PHC2: variants seen among roughly 807,000 people sequenced by gnomAD.
PHC2 encodes polyhomeotic homolog 2, also known as polyhomeotic-like protein 2.
In PHC2, 29 loss-of-function variants were observed where a neutral mutation model predicts 87.4. The observed-to-expected ratio is 0.33, with a 90% CI of 0.25 to 0.45. The LOEUF (loss-of-function observed/expected upper bound fraction) is 0.45. PHC2 is among the 20% of genes least tolerant of loss of function. PHC2 has a pLI of 1.00. For synonymous variants in PHC2, 438 were observed against 461.7 expected (o/e 0.95, Z 0.66); for missense variants, 857 against 1,136.7 (o/e 0.75, Z 3.54).
At chr1:33,347,828 T>G (rs1646873593) in intron 9 of PHC2, 1 of 724,320 alleles carries the variant, frequency 1.4e-6, no homozygotes, top group Admixed American at 6.3e-5. Context: ...TGCCCGACCT[T>G]CTGCGAAACA....
intron 1 of PHC2, among the ~76,000 whole-genome samples, chr1:33,426,246 G>A (rs193229950): frequency 6.6e-6 from 1 of 152,122 alleles, no homozygotes; most frequent in Non-Finnish European, 1.5e-5. Context: ...AAGGAACAGA[G>A]TAAGCAACAA....
intron 4 of PHC2, 72 bp downstream of exon 4, chr1:33,370,945 A>T: frequency 8.0e-7 from 1 of 1,242,582 alleles, no homozygotes; most frequent in Non-Finnish European, 1.2e-6. Context: ...ATTCACCACA[A>T]CTGGGTCTGG....
intron 1 of PHC2, among the ~76,000 whole-genome samples, chr1:33,395,088 T>C (rs996630248): frequency 1.3e-5 from 2 of 152,300 alleles, no homozygotes; most frequent in African/African-American, 4.8e-5. Context: ...CTGTGGTATA[T>C]CCACACAATG....
At chr1:33,370,926 T>C in intron 4 of PHC2, 91 bp downstream of exon 4, 1 of 1,024,134 alleles carries the variant, frequency 9.8e-7, no homozygotes, top group Non-Finnish European at 1.5e-6. Flanking sequence ...TGATGCTACA[T>C]GGCCACGGAT....
intron 1 of PHC2, among the ~76,000 whole-genome samples, chr1:33,400,837 A>T (rs1259263699): frequency 6.6e-6 from 1 of 152,224 alleles, no homozygotes; most frequent in African/African-American, 2.4e-5. Flanking sequence ...TTAACTGAAA[A>T]GATCCATGTT....
intron 1 of PHC2, among the ~76,000 whole-genome samples, chr1:33,416,954 T>C (rs1650236882): frequency 6.6e-6 from 1 of 152,058 alleles, no homozygotes; most frequent in African/African-American, 2.4e-5. Flanking sequence ...TAATAAAACA[T>C]GTTAAATAAA....
chr1:33,414,177 T>TCTCACACACA (rs372228145), intron 1 of PHC2, among the ~76,000 whole-genome samples: 49 of 142,854 alleles, frequency 3.4e-4, no homozygotes, highest in East Asian at 2.9e-3. Context: ...TCTCTCTCTG[T>TCTCACACACA]CACACACACA....
At chr1:33,381,429 G>A (rs76548363) in intron 1 of PHC2, among the ~76,000 whole-genome samples, 1 of 151,938 alleles carries the variant, frequency 6.6e-6, no homozygotes, top group Non-Finnish European at 1.5e-5. Flanking sequence ...TTTCACTTCA[G>A]TACCTTCCAT....
intron 14 of PHC2, among the ~76,000 whole-genome samples, chr1:33,328,663 TAC>T (rs1336642103): frequency 5.3e-5 from 8 of 152,214 alleles, no homozygotes; most frequent in Non-Finnish European, 1.2e-4. Flanking sequence ...TATACAGAAT[TAC>T]AGCTATGGAA....
In PHC2 at chr1:33,331,107, C is replaced by A. The variant is rs1368855898; in HGVS notation, c.2006+241G>T. 6.6e-6 allele frequency among the ~76,000 whole-genome samples: 1 copy of A among 152,156 alleles called. No individual in the cohort carries two copies. The highest frequency in any genetic ancestry group is 1.5e-5 in the Non-Finnish European group (1 of 68,034). On this transcript the variant is annotated intron_variant, in intron 12 of 14. Coordinates refer to ENST00000683057, the MANE Select transcript of PHC2 (RefSeq NM_001385109.1). This position sits in a 1 kb window ranked among gnomAD's most constrained non-coding sequence, Gnocchi z 5.2. ...TGGGTGCCAGTGGAGCCCAGGAGGGCCAGCCGAGCCAAAGCACTGCGGCTT... is the reference window on the plus strand; with the variant it reads ...TGGGTGCCAGTGGAGCCCAGGAGGGACAGCCGAGCCAAAGCACTGCGGCTT...
chr1:33,388,251 T>G (rs1648858984), intron 1 of PHC2, among the ~76,000 whole-genome samples: 1 of 151,902 alleles, frequency 6.6e-6, no homozygotes, highest in Non-Finnish European at 1.5e-5. Context: ...CTAGAAGACC[T>G]GAGACAGGTT....
chr1:33,344,208 T>C (rs1646802551), intron 9 of PHC2, among the ~76,000 whole-genome samples: 1 of 152,242 alleles, frequency 6.6e-6, no homozygotes, highest in South Asian at 2.1e-4. Context: ...TCATGGAAGA[T>C]GGATTTCTAC....
intron 1 of PHC2, among the ~76,000 whole-genome samples, chr1:33,383,969 A>G (rs1489677437): frequency 6.6e-6 from 1 of 152,160 alleles, no homozygotes; most frequent in African/African-American, 2.4e-5. Context: ...GTAACATGAT[A>G]CATTTGTGTT....
At chr1:33,375,158 C>G (rs919377459) in intron 2 of PHC2, among the ~76,000 whole-genome samples, 1 of 152,174 alleles carries the variant, frequency 6.6e-6, no homozygotes, top group Non-Finnish European at 1.5e-5. Context: ...TATACTTTCA[C>G]ACACGTGTCC....
At chr1:33,409,247 TCATTACAAGAGGG>T (rs1649888895) in intron 1 of PHC2, among the ~76,000 whole-genome samples, 1 of 152,198 alleles carries the variant, frequency 6.6e-6, no homozygotes, top group Admixed American at 6.5e-5. Context: ...ACCTGAGTGG[TCATTACAAGAGGG>T]GAAATTGAAG....
intron 14 of PHC2, among the ~76,000 whole-genome samples, chr1:33,328,087 A>T (rs775274416): frequency 3.9e-5 from 6 of 152,206 alleles, no homozygotes; most frequent in Non-Finnish European, 5.9e-5. Flanking sequence ...GGTTACCATG[A>T]ATACCTGACC....
intron 1 of PHC2, among the ~76,000 whole-genome samples, chr1:33,383,163 G>T (rs984610998): frequency 2.0e-5 from 3 of 152,174 alleles, no homozygotes; most frequent in African/African-American, 7.2e-5. Flanking sequence ...AGGGGACCTG[G>T]GGGAGGCCTC....
chr1:33,425,912 G>A (rs979000373), intron 1 of PHC2, among the ~76,000 whole-genome samples: 1 of 152,228 alleles, frequency 6.6e-6, no homozygotes, highest in Non-Finnish European at 1.5e-5. Context: ...TCTGAACGGG[G>A]ATGAGACAGG....
At chr1:33,347,285 C>A in intron 9 of PHC2, 2 of 985,370 alleles carry the variant, frequency 2.0e-6, no homozygotes, top group Non-Finnish European at 2.4e-6. Flanking sequence ...CTAAGAGGCT[C>A]TCCTTCCCTG....
Sources: allele counts gnomAD v4.1 joint callset (sites outside exome capture counted in the v4.1 genomes callset), GRCh38; gene constraint gnomAD v4.1.1; non-coding constraint Gnocchi (gnomAD v3.1); transcripts MANE v1.5; gene names NCBI Gene and HGNC (gene_info 2026-07-23, HGNC 2026-07-21).